The following TMEM221 variants were observed in gnomAD, a reference collection of about 807,000 sequenced individuals.
TMEM221 encodes the protein Putative transmembrane protein ENSP00000342162.
In TMEM221, 11 loss-of-function variants were observed where a neutral mutation model predicts 10.2. The observed-to-expected ratio is 1.08, with a 90% CI of 0.68 to 1.79. The LOEUF (loss-of-function observed/expected upper bound fraction) is 1.79, where lower values mean the gene tolerates loss of function less well. Among genes scored for constraint, TMEM221 ranks in the 40% most tolerant of loss-of-function variants. The probability of loss-of-function intolerance (pLI) is 0.00; values close to 1 mark genes in which losing one functional copy is unlikely to be tolerated. For synonymous variants in TMEM221, 172 were observed against 199.8 expected, an observed-to-expected ratio of 0.86 and a Z score of 1.18; for missense variants, 382 against 417.7, an observed-to-expected ratio of 0.91 and a Z score of 0.75.
At chr19:17,440,012 G>A (rs971776919) in intron 2 of TMEM221, among the ~76,000 whole-genome samples, 1 of 151,978 alleles carries the variant, frequency 6.6e-6, no homozygotes, top group Admixed American at 6.6e-5. Context: ...GACATAGGGA[G>A]ACCAGTCCCT....
chr19:17,436,170 T>G lies in TMEM221; in HGVS notation c.*288A>C, dbSNP rs957436550. 3.3e-6 allele frequency: 1 copy of G among 303,896 alleles called. No homozygotes were observed. Among genetic ancestry groups the G allele is most frequent in the Non-Finnish European group, 6.0e-6 (1 of 165,382 alleles). 18.8% of individuals were successfully genotyped at this position (303,896 alleles called of 1,614,324 possible). ...CTCCCCTGCAGCAAGGTATGGCCAT[T>G]TCGCTCTGTTCTGGCCAGTGGGATA... On this transcript the variant is annotated 3_prime_UTR_variant, in exon 3 of 3. Coordinates refer to ENST00000341130, the MANE Select transcript of TMEM221 (RefSeq NM_001190844.2).
At chr19:17,438,608 T>TG (rs2074919244) in intron 2 of TMEM221, among the ~76,000 whole-genome samples, 1 of 151,198 alleles carries the variant, frequency 6.6e-6, no homozygotes, top group Non-Finnish European at 1.5e-5. Context: ...TTTTTTTTTT[T>TG]TTTTTTGAGA....
chr19:17,444,048 C>T (rs34984238), intron 2 of TMEM221, among the ~76,000 whole-genome samples: 45,375 of 137,918 alleles, frequency 0.33, 7,951 homozygotes, highest in South Asian at 0.41. Context: ...AGCTTTCACT[C>T]ATTCCAACCT....
intron 2 of TMEM221, among the ~76,000 whole-genome samples, chr19:17,438,935 C>G (rs2074920680): frequency 1.4e-5 from 2 of 147,412 alleles, no homozygotes; most frequent in South Asian, 4.8e-4. Flanking sequence ...TTGCCGGGCA[C>G]GGTGGCTCAC....
chr19:17,444,420 T>G (rs1265430694), intron 2 of TMEM221, among the ~76,000 whole-genome samples: 1 of 151,560 alleles, frequency 6.6e-6, no homozygotes, highest in African/African-American at 2.4e-5. Flanking sequence ...GCCATGAAAA[T>G]TTTTGTTCAA....
chr19:17,436,827 G>T lies in TMEM221; in HGVS notation c.507C>A (p.Thr169=), dbSNP rs758016815. The change falls in exon 3 of 3, where the codon ACC becomes ACA. Residue 169 remains threonine (T), a synonymous_variant. Transcript: ENST00000341130. ...SGTLVLVAVL[T]HTLLRAARAA... ...CCCGGGCAGCCCGGAGGAGAGTGTG[G>T]GTCAGCACAGCCACCAGAACCAGGG... 245 of 1,488,160 alleles carry T rather than the reference G, an allele frequency of 1.6e-4. 1 individual carries two copies. The highest frequency in any genetic ancestry group is 2.1e-4 in the Non-Finnish European group (236 of 1,120,240). 92.2% of individuals were successfully genotyped at this position (1,488,160 alleles called of 1,614,324 possible). A position where few individuals can be genotyped will look rare whatever the true frequency, so the allele number is the denominator to read the frequency against.
chr19:17,443,365 A>G (rs34910819), intron 2 of TMEM221, among the ~76,000 whole-genome samples: 131,301 of 151,608 alleles, frequency 0.87, 57,961 homozygotes, highest in Non-Finnish European at 0.94. Context: ...TCAGTCTGTC[A>G]CCCAGGCTGG....
intron 2 of TMEM221, among the ~76,000 whole-genome samples, chr19:17,438,608 T>G (rs1360071886): frequency 6.6e-6 from 1 of 151,198 alleles, no homozygotes; most frequent in African/African-American, 2.4e-5. Flanking sequence ...TTTTTTTTTT[T>G]TTTTTTGAGA....
intron 1 of TMEM221, among the ~76,000 whole-genome samples, chr19:17,446,204 C>G (rs889772300): frequency 1.3e-5 from 1 of 79,346 alleles, no homozygotes; most frequent in Admixed American, 1.3e-4. Flanking sequence ...ATCCATCCAT[C>G]TATCCATCCA....
intron 2 of TMEM221, among the ~76,000 whole-genome samples, chr19:17,443,238 A>G (rs1427764627): frequency 6.6e-6 from 1 of 152,122 alleles, no homozygotes; most frequent in Non-Finnish European, 1.5e-5. Flanking sequence ...CCGAGATCAC[A>G]CCACTGCACT....
At chr19:17,445,172 T>C in intron 2 of TMEM221, 27 bp downstream of exon 2, 1 of 1,527,906 alleles carries the variant, frequency 6.5e-7, no homozygotes, top group Non-Finnish European at 8.8e-7. Context: ...CAGGGTCCCA[T>C]GCCCCACGTT....
chr19:17,443,273 TC>T (rs1470214251), intron 2 of TMEM221, among the ~76,000 whole-genome samples: 3 of 151,822 alleles, frequency 2.0e-5, no homozygotes, highest in African/African-American at 7.3e-5. Flanking sequence ...AGAGCGAGAC[TC>T]CGCATCAAAA....
chr19:17,442,425 ATTTCTTTCT>A lies in TMEM221; in HGVS notation c.406+2765_406+2773del, dbSNP rs2074935483. 1.6e-4 allele frequency among the ~76,000 whole-genome samples: 23 copies of A among 142,740 alleles called. No individual in the cohort carries two copies. In the South Asian group the frequency reaches 5.2e-3, roughly 32 times the overall value. 93.6% of individuals were successfully genotyped at this position (142,740 alleles called of 152,430 possible). On this transcript the variant is annotated intron_variant, in intron 2 of 2. Coordinates refer to ENST00000341130, the MANE Select transcript of TMEM221 (RefSeq NM_001190844.2). ...AGGCATGAACCACCATGCCTGGCTA[ATTTCTTTCT>A]TTTCTTTCTTTTTTTTTTTTTTTTA...
At position 17,436,172 on chromosome 19, in the gene TMEM221, C is replaced by T. The variant is rs73923929; in HGVS notation, c.*286G>A. ...CCCCTGCAGCAAGGTATGGCCATTTCGCTCTGTTCTGGCCAGTGGGATATA... is the reference window on the plus strand; with the variant it reads ...CCCCTGCAGCAAGGTATGGCCATTTTGCTCTGTTCTGGCCAGTGGGATATA... On this transcript the variant is annotated 3_prime_UTR_variant, in exon 3 of 3. Transcript: ENST00000341130. The T allele has an allele frequency of 2.9e-3, 951 of 325,366 alleles. 9 individuals are homozygous for T. The highest frequency in any genetic ancestry group is 0.018 in the African/African-American group (869 of 47,146). 20.2% of individuals were successfully genotyped at this position (325,366 alleles called of 1,614,324 possible). A position where few individuals can be genotyped will look rare whatever the true frequency, so the allele number is the denominator to read the frequency against.
At position 17,448,117 on chromosome 19, in the gene TMEM221, C is replaced by T. The variant is rs867690648; in HGVS notation, c.320+26G>A. Reference sequence around the variant, plus strand: ...CTCACCCAGCCCCCAGCCGGGCCTCCGAGGCGGTGAGGCCAGTCCTCCTAC... The same window carrying T: ...CTCACCCAGCCCCCAGCCGGGCCTCTGAGGCGGTGAGGCCAGTCCTCCTAC... On this transcript the variant is annotated intron_variant, in intron 1 of 2. Coordinates refer to ENST00000341130, the MANE Select transcript of TMEM221 (RefSeq NM_001190844.2). The surrounding 1 kb of genome is among the most constrained non-coding windows in gnomAD (Gnocchi z 4.7). The T allele has an allele frequency of 4.9e-5, 65 of 1,328,452 alleles. No individual in the cohort carries two copies. The Middle Eastern group carries it at 3.5e-3, about 72-fold the overall frequency. 82.3% of individuals were successfully genotyped at this position (1,328,452 alleles called of 1,614,324 possible). A position where few individuals can be genotyped will look rare whatever the true frequency, so the allele number is the denominator to read the frequency against.
chr19:17,442,160 G>A (rs1408027548), intron 2 of TMEM221, among the ~76,000 whole-genome samples: 2 of 152,156 alleles, frequency 1.3e-5, no homozygotes, highest in African/African-American at 2.4e-5. Flanking sequence ...CTTACAGATA[G>A]AGGCATCTTT....
At position 17,436,544 on chromosome 19, in the gene TMEM221, C is replaced by T. The variant is rs1291214725; in HGVS notation, c.790G>A (p.Gly264Arg). Residue 264 changes from glycine to arginine, a missense_variant, in exon 3 of 3, where the codon GGG becomes AGG. By Grantham distance (125) the Gly-to-Arg change is moderately radical. Transcript: ENST00000341130. ...RMHRTLSAGL[G>R]HWDGVTHEMR... ...TCGTGCGTAACCCCGTCCCAGTGCCCCAGGCCAGCCGACAGTGTCCGGTGC... is the reference window on the plus strand; with the variant it reads ...TCGTGCGTAACCCCGTCCCAGTGCCTCAGGCCAGCCGACAGTGTCCGGTGC... 1 of 1,536,096 alleles carries T rather than the reference C, an allele frequency of 6.5e-7. No individual in the cohort carries two copies. Among genetic ancestry groups the T allele is most frequent in the South Asian group, 1.2e-5 (1 of 84,056 alleles).
At chr19:17,438,824 C>G (rs1774122192) in intron 2 of TMEM221, among the ~76,000 whole-genome samples, 1 of 151,172 alleles carries the variant, frequency 6.6e-6, no homozygotes, top group Admixed American at 6.6e-5. Flanking sequence ...TCTCGAACTC[C>G]TGACCTCAGG....
chr19:17,446,196 C>CCATT (rs10647002), intron 1 of TMEM221, among the ~76,000 whole-genome samples: 1,992 of 136,846 alleles, frequency 0.015, 47 homozygotes, highest in African/African-American at 0.045. Flanking sequence ...ATCCATCCAT[C>CCATT]CATCCATCTA....
Sources: gnomAD v4.1 joint callset for allele counts (sites outside exome capture counted in the v4.1 genomes callset) on GRCh38, gnomAD v4.1.1 for gene constraint, Gnocchi (gnomAD v3.1) non-coding constraint, MANE v1.5 for transcripts, NCBI Gene and HGNC (gene_info 2026-07-23, HGNC 2026-07-21) for gene names.